The following ITGA11 variants were observed in gnomAD, a reference collection of about 807,000 sequenced individuals.
ITGA11 encodes integrin subunit alpha 11, also known as integrin alpha-11.
Under a neutral mutation model 141.9 loss-of-function variants are expected in ITGA11, and 97 were observed. That is an observed-to-expected ratio of 0.68 (90% CI 0.58 to 0.81). ITGA11 has a LOEUF of 0.81. Ranked by LOEUF, ITGA11 falls within the 30% of genes least tolerant of loss-of-function variation. The pLI, the probability that ITGA11 is intolerant of heterozygous loss-of-function variation, is 0.00. For missense variants in ITGA11, 1,387 were observed against 1,559.2 expected, an observed-to-expected ratio of 0.89 and a Z score of 1.86; for synonymous variants, 658 against 624.6, an observed-to-expected ratio of 1.05 and a Z score of -0.80.
intron 1 of ITGA11, among the ~76,000 whole-genome samples, chr15:68,423,397 G>C (rs1285281585): frequency 6.6e-6 from 1 of 152,154 alleles, no homozygotes; most frequent in African/African-American, 2.4e-5. Context: ...ATGAGGCAGA[G>C]GGTAGAATCA....
intron 20 of ITGA11, among the ~76,000 whole-genome samples, chr15:68,319,232 C>A (rs1595856346): frequency 1.3e-5 from 2 of 152,326 alleles, no homozygotes; most frequent in East Asian, 3.9e-4. Flanking sequence ...CCTGGGCAGG[C>A]CTTAACCCCT....
At chr15:68,384,946 C>A (rs1048496575) in intron 2 of ITGA11, among the ~76,000 whole-genome samples, 1 of 152,208 alleles carries the variant, frequency 6.6e-6, no homozygotes, top group African/African-American at 2.4e-5. Context: ...TCTGCTCAAA[C>A]AACAAGCCCC....
Position 68,328,306 on chromosome 15 carries a change from G to A in ITGA11, c.1902-44C>T. On this transcript the variant is annotated intron_variant, in intron 15 of 29. Coordinates refer to ENST00000315757, the MANE Select transcript of ITGA11 (RefSeq NM_001004439.2). The surrounding 1 kb of genome is among the most constrained non-coding windows in gnomAD (Gnocchi z 4.8). ...TGAGCTGGGGTGGGGCAGGGGCTCA[G>A]GCTGCCCTGCTGTGACCATGGGGAA... 1 of 1,570,666 alleles carries A rather than the reference G, an allele frequency of 6.4e-7. No individual in the cohort carries two copies. The highest frequency in any genetic ancestry group is 8.7e-7 in the Non-Finnish European group (1 of 1,146,958).
chr15:68,421,178 G>C, intron 1 of ITGA11, among the ~76,000 whole-genome samples: 3 of 9,122 alleles, frequency 3.3e-4, no homozygotes, highest in East Asian at 2.5e-3. Flanking sequence ...TCTGTGCTTG[G>C]AGGAGCTTCC....
intron 6 of ITGA11, among the ~76,000 whole-genome samples, chr15:68,357,815 G>A (rs183481070): frequency 2.4e-4 from 37 of 152,338 alleles, no homozygotes; most frequent in Admixed American, 1.4e-3. Context: ...GGAGCCCACA[G>A]GGTTTATTTG....
chr15:68,409,940 G>A (rs549516932), intron 1 of ITGA11, among the ~76,000 whole-genome samples: 16 of 152,268 alleles, frequency 1.1e-4, no homozygotes, highest in South Asian at 4.2e-4. Context: ...ACCACCGACC[G>A]TCGTCAGTCA....
rs1337863959 is a variant in ITGA11, at chr15:68,324,491, G to A, written c.2322+640C>T. 6.6e-6 allele frequency among the ~76,000 whole-genome samples: 1 copy of A among 152,148 alleles called. No homozygotes were observed. The highest frequency in any genetic ancestry group is 1.5e-5 in the Non-Finnish European group (1 of 68,042). ...AACTTTTGCCTGCTCTTGCAGCACA[G>A]CAGCAGAATTGATCACTGCCTGACA... is the stretch of plus-strand genomic sequence containing the variant. On this transcript the variant is annotated intron_variant, in intron 18 of 29. Transcript: ENST00000315757. This position sits in a 1 kb window ranked among gnomAD's most constrained non-coding sequence, Gnocchi z 6.3.
Position 68,397,442 on chromosome 15 carries a change from T to A in ITGA11, c.164+5476A>T, listed in dbSNP as rs1337235494. ...ATATAAATATTAATATAATAATAAA[T>A]TAATAAAATATAAAATTATTAATAT... is the stretch of plus-strand genomic sequence containing the variant. On this transcript the variant is annotated intron_variant, in intron 2 of 29. Coordinates refer to ENST00000315757, the MANE Select transcript of ITGA11 (RefSeq NM_001004439.2). 3.7e-5 allele frequency among the ~76,000 whole-genome samples: 2 copies of A among 54,076 alleles called. 1 individual carries two copies. The highest frequency in any genetic ancestry group is 1.5e-4 in the African/African-American group (2 of 13,174). 35.5% of individuals were successfully genotyped at this position (54,076 alleles called of 152,430 possible).
intron 3 of ITGA11, 141 bp from the exon 4 acceptor site, chr15:68,364,939 CCTT>C (rs1237389803): frequency 4.0e-5 from 36 of 909,416 alleles, no homozygotes; most frequent in Non-Finnish European, 6.0e-5. Context: ...TTTACAAAGG[CCTT>C]CCCCAGACGT....
At chr15:68,351,543 A>G in intron 7 of ITGA11, 141 bp from the exon 8 acceptor site, 1 of 775,444 alleles carries the variant, frequency 1.3e-6, no homozygotes, top group Non-Finnish European at 2.1e-6. Flanking sequence ...CCTCAAACCA[A>G]AGAAGTAGCT....
intron 20 of ITGA11, among the ~76,000 whole-genome samples, 187 bp downstream of exon 20, chr15:68,319,998 C>T (rs374650763): frequency 5.3e-5 from 8 of 152,158 alleles, no homozygotes; most frequent in African/African-American, 1.9e-4. Context: ...CTATGTTGCC[C>T]AGGCTGGCCT....
chr15:68,320,746 T>C (rs1295392352), intron 19 of ITGA11, among the ~76,000 whole-genome samples: 1 of 152,224 alleles, frequency 6.6e-6, no homozygotes, highest in African/African-American at 2.4e-5. Flanking sequence ...ATAATCCTTA[T>C]TTTAGCCTAG....
intron 8 of ITGA11, 48 bp downstream of exon 8, chr15:68,351,210 A>G (rs1894900170): frequency 6.2e-7 from 1 of 1,604,536 alleles, no homozygotes; most frequent in South Asian, 1.1e-5. Flanking sequence ...ATTTGATGGT[A>G]AAGCCTCTCA....
intron 1 of ITGA11, among the ~76,000 whole-genome samples, chr15:68,404,618 A>G (rs920775008): frequency 6.6e-6 from 1 of 152,146 alleles, no homozygotes; most frequent in African/African-American, 2.4e-5. Context: ...TTGGTGCAGT[A>G]CCAGAGAGGT....
chr15:68,334,430 G>C (rs1402520548), intron 12 of ITGA11, among the ~76,000 whole-genome samples: 2 of 152,162 alleles, frequency 1.3e-5, no homozygotes, highest in Non-Finnish European at 2.9e-5. Flanking sequence ...TTGGAACTGG[G>C]GTCTGTCTGA....
At chr15:68,343,674 G>C (rs1046693806) in intron 10 of ITGA11, among the ~76,000 whole-genome samples, 1 of 152,148 alleles carries the variant, frequency 6.6e-6, no homozygotes, top group Non-Finnish European at 1.5e-5. Context: ...GTCCTCCCCC[G>C]CCAAACTCCC....
intron 1 of ITGA11, among the ~76,000 whole-genome samples, chr15:68,408,844 C>T (rs1325592405): frequency 1.3e-5 from 2 of 152,134 alleles, no homozygotes. Flanking sequence ...AGAGGATGGG[C>T]TTTCAGTTCT....
chr15:68,364,635 A>G, intron 4 of ITGA11, 72 bp downstream of exon 4: 2 of 939,462 alleles, frequency 2.1e-6, no homozygotes, highest in South Asian at 2.7e-5. Flanking sequence ...AGGGTGTGTA[A>G]GGAGACGCTC....
rs539788321 is a variant in ITGA11, at chr15:68,339,543, C to T, written c.1233G>A (p.Leu411=). 2.5e-6 allele frequency: 4 copies of T among 1,613,952 alleles called. No individual in the cohort carries two copies. The highest frequency in any genetic ancestry group is 2.7e-5 in the African/African-American group (2 of 75,044). ...TCTTGAGCTCCTCGGGGAACTCTTT[C>T]AGGTAGGACTCGCGGAGAGGAATGA... ...GKVIPLRESY[L]KEFPEELKNH... is the part of the protein sequence containing the mutation. Residue 411 remains leucine, a synonymous_variant, in exon 11 of 30, where the codon CTG becomes CTA. Coordinates refer to ENST00000315757, the MANE Select transcript of ITGA11 (RefSeq NM_001004439.2).
Sources: allele counts gnomAD v4.1 joint callset (sites outside exome capture counted in the v4.1 genomes callset), GRCh38; gene constraint gnomAD v4.1.1; non-coding constraint Gnocchi (gnomAD v3.1); transcripts MANE v1.5; gene names NCBI Gene and HGNC (gene_info 2026-07-23, HGNC 2026-07-21).